The following SLCO5A1 variants were observed in gnomAD, a reference collection of about 807,000 sequenced individuals.
The protein encoded by SLCO5A1 is solute carrier organic anion transporter family member 5A1.
SLCO5A1 carries 39 observed loss-of-function variants against 65.1 expected under a neutral mutation model. That is an observed-to-expected ratio of 0.60 (90% CI 0.46 to 0.78). SLCO5A1 has a LOEUF of 0.78. SLCO5A1 is among the 30% of genes least tolerant of loss of function. The pLI is 0.00. For synonymous variants in SLCO5A1, 438 were observed against 415.7 expected (o/e 1.05, Z -0.65); for missense variants, 1,029 against 1,069.4 (o/e 0.96, Z 0.53).
At chr8:69,788,209 T>C (rs1428911282) in intron 2 of SLCO5A1, among the ~76,000 whole-genome samples, 2 of 152,182 alleles carry the variant, frequency 1.3e-5, no homozygotes, top group East Asian at 3.8e-4. Flanking sequence ...ATTAAGGAGC[T>C]TTGCTTCCTT....
At chr8:69,690,134 G>T (rs952721309) in intron 6 of SLCO5A1, among the ~76,000 whole-genome samples, 22 of 152,336 alleles carry the variant, frequency 1.4e-4, no homozygotes, top group African/African-American at 3.1e-4. Context: ...GCTCAACAGG[G>T]TCTTCTTTCC....
rs562736883 is a variant in SLCO5A1 at position 69,676,286 on chromosome 8, C to T, written c.2089+323G>A. On this transcript the variant is annotated intron_variant, in intron 9 of 9. Transcript: ENST00000260126. Reference sequence around the variant, plus strand: ...TCATAGTAAAAAGGCATAAAGGGGTCAAAATGCTAGGATTACAAATTCTTC... The same window carrying T: ...TCATAGTAAAAAGGCATAAAGGGGTTAAAATGCTAGGATTACAAATTCTTC... Among the ~76,000 whole-genome samples, 3 of 152,256 alleles carry T rather than the reference C, an allele frequency of 2.0e-5. No individual in the cohort carries two copies. The South Asian group carries it at 6.2e-4, about 32-fold the overall frequency.
chr8:69,686,864 C>T (rs987332795), intron 6 of SLCO5A1, among the ~76,000 whole-genome samples: 2 of 152,062 alleles, frequency 1.3e-5, no homozygotes, highest in Non-Finnish European at 1.5e-5. Flanking sequence ...GAGTGTGAGT[C>T]GGAAAGAGCT....
At chr8:69,788,726 T>C (rs1033851258) in intron 2 of SLCO5A1, among the ~76,000 whole-genome samples, 1 of 152,196 alleles carries the variant, frequency 6.6e-6, no homozygotes, top group African/African-American at 2.4e-5. Flanking sequence ...ATGAATTAGA[T>C]ACTATAACAA....
chr8:69,725,220 C>T (rs146475731), intron 5 of SLCO5A1, among the ~76,000 whole-genome samples: 13 of 152,208 alleles, frequency 8.5e-5, no homozygotes, highest in East Asian at 7.7e-4. Flanking sequence ...CCAGAACTTC[C>T]GATGCCAAAA....
intron 2 of SLCO5A1, among the ~76,000 whole-genome samples, chr8:69,803,587 T>G (rs1819856046): frequency 6.6e-6 from 1 of 152,160 alleles, no homozygotes; most frequent in Non-Finnish European, 1.5e-5. Flanking sequence ...TAGCATAGCG[T>G]CACTGGACCC....
chr8:69,743,509 G>T (rs1317864238), intron 4 of SLCO5A1, among the ~76,000 whole-genome samples: 1 of 152,100 alleles, frequency 6.6e-6, no homozygotes, highest in East Asian at 1.9e-4. Context: ...TCTTTATTTG[G>T]ATGAGCAAAG....
chr8:69,798,189 T>A (rs1378030023), intron 2 of SLCO5A1, among the ~76,000 whole-genome samples: 1 of 152,072 alleles, frequency 6.6e-6, no homozygotes, highest in African/African-American at 2.4e-5. Flanking sequence ...TTCTGAGCCC[T>A]CCACACTCTT....
At chr8:69,722,530 A>G (rs16936371) in intron 5 of SLCO5A1, among the ~76,000 whole-genome samples, 3,145 of 152,312 alleles carry the variant, frequency 0.021, 55 homozygotes, top group Middle Eastern at 0.044. Flanking sequence ...AAGATACATG[A>G]ATGACACACC....
chr8:69,824,893 A>G (rs1439168057), intron 2 of SLCO5A1, among the ~76,000 whole-genome samples: 1 of 152,212 alleles, frequency 6.6e-6, no homozygotes, highest in Non-Finnish European at 1.5e-5. Flanking sequence ...ATACTGGCAA[A>G]CTGAATCCAG....
intron 2 of SLCO5A1, among the ~76,000 whole-genome samples, chr8:69,779,213 C>T (rs796119478): frequency 2.0e-5 from 3 of 152,078 alleles, no homozygotes; most frequent in South Asian, 2.1e-4. Context: ...TGTTTGCATA[C>T]ATTATTTTAA....
chr8:69,765,839 G>A (rs1368492182), intron 2 of SLCO5A1, among the ~76,000 whole-genome samples: 1 of 152,000 alleles, frequency 6.6e-6, no homozygotes, highest in Non-Finnish European at 1.5e-5. Flanking sequence ...CCAACTCTCT[G>A]GATCCTACCT....
rs1427585861 is a variant in SLCO5A1, at chr8:69,831,854, T to C, written c.820A>G (p.Ile274Val). ...TAAATAGGTGTGGAGCCCATTCCAA[T>C]GAGAATCTGCGCGCAAATGAATAAA... ...VALFICAQILIGMGSTPIYTL... is the reference protein window; with the variant it reads ...VALFICAQILVGMGSTPIYTL... The change falls in exon 2 of 10, where the codon ATT (isoleucine) becomes GTT (valine). Residue 274 changes from isoleucine to valine, a missense_variant. Around this residue, in one of 3 missense-constraint regions of SLCO5A1, gnomAD observed 647 missense variants for 647.5 expected, o/e 1.00. Coordinates refer to ENST00000260126, the MANE Select transcript of SLCO5A1 (RefSeq NM_030958.3). 1.2e-6 allele frequency: 2 copies of C among 1,613,460 alleles called. No individual in the cohort carries two copies. The highest frequency in any genetic ancestry group is 1.7e-6 in the Non-Finnish European group (2 of 1,179,890).
intron 6 of SLCO5A1, among the ~76,000 whole-genome samples, chr8:69,693,802 T>C (rs1001894974): frequency 1.3e-5 from 2 of 152,194 alleles, no homozygotes; most frequent in African/African-American, 4.8e-5. Flanking sequence ...TTGAAGAAAT[T>C]GAGGCACAGA....
At chr8:69,788,240 A>AT (rs1164351711) in intron 2 of SLCO5A1, among the ~76,000 whole-genome samples, 46 of 152,310 alleles carry the variant, frequency 3.0e-4, no homozygotes, top group Non-Finnish European at 2.9e-5. Context: ...TGCTCATCCC[A>AT]TAAGTGTGAA....
intron 6 of SLCO5A1, among the ~76,000 whole-genome samples, chr8:69,692,816 G>C (rs1024886635): frequency 6.6e-6 from 1 of 152,022 alleles, no homozygotes; most frequent in Admixed American, 6.6e-5. Flanking sequence ...GCCTTCTTTC[G>C]GAATACCTCC....
At chr8:69,707,245 A>G (rs1003412552) in intron 5 of SLCO5A1, among the ~76,000 whole-genome samples, 3 of 152,224 alleles carry the variant, frequency 2.0e-5, no homozygotes, top group East Asian at 1.9e-4. Flanking sequence ...AAATTAGAAT[A>G]CAATAAAATA....
intron 4 of SLCO5A1, among the ~76,000 whole-genome samples, chr8:69,749,739 CA>C (rs34565270): frequency 5.3e-4 from 59 of 110,908 alleles, no homozygotes; most frequent in East Asian, 1.8e-3. Context: ...ATGTAATGGA[CA>C]AAAAAAAAAA....
intron 2 of SLCO5A1, among the ~76,000 whole-genome samples, chr8:69,773,758 A>G (rs1197811564): frequency 6.6e-6 from 1 of 152,138 alleles, no homozygotes; most frequent in Non-Finnish European, 1.5e-5. Flanking sequence ...CCCATCCTCC[A>G]TGATTCATCA....
Sources: gnomAD v4.1 joint callset for allele counts (sites outside exome capture counted in the v4.1 genomes callset) on GRCh38, gnomAD v4.1.1 for gene constraint, gnomAD v4.1.1 regional missense constraint, MANE v1.5 for transcripts, NCBI Gene and HGNC (gene_info 2026-07-23, HGNC 2026-07-21) for gene names.